Variants in NRXN3 observed in about 807,000 individuals in gnomAD.
NRXN3 encodes neurexin 3, also known as neurexin III.
In NRXN3, 32 loss-of-function variants were observed where a neutral mutation model predicts 137.6. The ratio of observed to expected loss-of-function variants is 0.23; its 90% CI spans 0.18 to 0.31. The LOEUF (loss-of-function observed/expected upper bound fraction) is 0.31. NRXN3 is among the 10% of genes least tolerant of loss of function. NRXN3 has a pLI of 1.00. For synonymous variants in NRXN3, 798 were observed against 784.5 expected, an observed-to-expected ratio of 1.02 and a Z score of -0.29; for missense variants, 1,574 against 2,062.5, an observed-to-expected ratio of 0.76 and a Z score of 4.59.
intron 10 of NRXN3, among the ~76,000 whole-genome samples, chr14:78,917,345 A>G (rs1399581361): frequency 6.6e-6 from 1 of 152,206 alleles, no homozygotes; most frequent in African/African-American, 2.4e-5. Context: ...AGCAGAAAAA[A>G]TAACTATTGG....
intron 19 of NRXN3, among the ~76,000 whole-genome samples, chr14:79,699,937 A>G (rs1460072198): frequency 6.6e-6 from 1 of 152,062 alleles, no homozygotes; most frequent in Non-Finnish European, 1.5e-5. Flanking sequence ...TTAGACTGCG[A>G]TGAGGGATTT....
intron 4 of NRXN3, among the ~76,000 whole-genome samples, chr14:78,336,204 G>T (rs1233967599): frequency 6.6e-6 from 1 of 152,186 alleles, no homozygotes; most frequent in African/African-American, 2.4e-5. Context: ...ACGCTTTAAA[G>T]AATTCCTGTA....
chr14:79,777,065 C>T (rs80280041), intron 19 of NRXN3, among the ~76,000 whole-genome samples: 67 of 152,206 alleles, frequency 4.4e-4, no homozygotes, highest in African/African-American at 1.5e-3. Flanking sequence ...AAGCAGGAGA[C>T]GAGAGAGTAA....
intron 16 of NRXN3, among the ~76,000 whole-genome samples, chr14:79,473,325 T>C (rs979553656): frequency 1.3e-5 from 2 of 152,216 alleles, no homozygotes; most frequent in African/African-American, 4.8e-5. Context: ...ACATAGTTTA[T>C]AGCACCCAAC....
intron 15 of NRXN3, among the ~76,000 whole-genome samples, chr14:79,118,681 G>A (rs1355066083): frequency 2.0e-5 from 3 of 152,306 alleles, no homozygotes; most frequent in South Asian, 2.1e-4. Context: ...TCTTATAGTG[G>A]ACACATTTGG....
chr14:78,818,372 T>TAATAAA (rs2098940838), intron 10 of NRXN3, among the ~76,000 whole-genome samples: 1 of 152,142 alleles, frequency 6.6e-6, no homozygotes, highest in Non-Finnish European at 1.5e-5. Flanking sequence ...TTGCGCTACC[T>TAATAAA]TAATTTATTA....
chr14:79,554,468 A>G (rs1364603), intron 16 of NRXN3, among the ~76,000 whole-genome samples: 71,395 of 152,118 alleles, frequency 0.47, 20,511 homozygotes, highest in Non-Finnish European at 0.62. Context: ...CCAAGGTGAG[A>G]CTGAAGATAA....
At chr14:79,354,611 A>C (rs2093351969) in intron 15 of NRXN3, among the ~76,000 whole-genome samples, 1 of 152,166 alleles carries the variant, frequency 6.6e-6, no homozygotes, top group Admixed American at 6.5e-5. Context: ...CTTGTTACAC[A>C]GAAGGTATTC....
chr14:78,834,460 C>T (rs895479377), intron 10 of NRXN3, among the ~76,000 whole-genome samples: 13 of 151,942 alleles, frequency 8.6e-5, no homozygotes, highest in African/African-American at 1.5e-4. Context: ...AGAGGCAAAC[C>T]GACTTAAAAA....
intron 16 of NRXN3, among the ~76,000 whole-genome samples, chr14:79,655,499 C>T (rs1398533447): frequency 6.6e-6 from 1 of 152,156 alleles, no homozygotes; most frequent in African/African-American, 2.4e-5. Context: ...CTGTTGTGTG[C>T]GTGCATATAT....
chr14:79,263,299 C>G (rs559605665), intron 15 of NRXN3, among the ~76,000 whole-genome samples: 3 of 152,162 alleles, frequency 2.0e-5, no homozygotes, highest in Non-Finnish European at 2.9e-5. Flanking sequence ...ACCAATCTTA[C>G]CATTTAAATG....
In NRXN3 at chr14:78,466,044, G is replaced by A. The variant is rs144776033; in HGVS notation, c.757+168184G>A. Among the ~76,000 whole-genome samples, 853 of 151,356 alleles carry A rather than the reference G, an allele frequency of 5.6e-3. 38 individuals are homozygous for A. The East Asian group carries it at 0.095, about 17-fold the overall frequency. On this transcript the variant is annotated intron_variant, in intron 4 of 20. Transcript: ENST00000335750. The stretch of plus-strand genomic sequence containing the variant: ...TTTTTTTTGTATTTTTAGTAGAGAC[G>A]GGGTTTCTCCGTGTTAGCCAGGTTG...
chr14:79,484,483 G>A (rs183811719), intron 16 of NRXN3, among the ~76,000 whole-genome samples: 11 of 152,170 alleles, frequency 7.2e-5, no homozygotes, highest in Admixed American at 2.0e-4. Flanking sequence ...TTTGAAAATC[G>A]GAAGGTTTAA....
chr14:79,263,002 A>G (rs1271088223), intron 15 of NRXN3, among the ~76,000 whole-genome samples: 2 of 152,176 alleles, frequency 1.3e-5, no homozygotes, highest in African/African-American at 2.4e-5. Flanking sequence ...GTGTGCATGC[A>G]TGCTGTCTGT....
rs536845247 is a variant in NRXN3 at position 78,908,694 on chromosome 14, A to C, written c.2276-48548A>C. Among the ~76,000 whole-genome samples the C allele has an allele frequency of 1.4e-4, 22 of 152,194 alleles. No homozygotes were observed. In the South Asian group the frequency reaches 4.6e-3, roughly 32 times the overall value. ...CAGGATCTAGTTTGAGACACTAAGA[A>C]GGATAAGACATTGGTTTGAATAGAG... On this transcript the variant is annotated intron_variant, in intron 10 of 20. Transcript: ENST00000335750.
At chr14:79,411,778 A>G (rs534228989) in intron 15 of NRXN3, among the ~76,000 whole-genome samples, 2 of 152,154 alleles carry the variant, frequency 1.3e-5, no homozygotes, top group African/African-American at 2.4e-5. Context: ...TTATAAGTAA[A>G]TGTCAAATAT....
intron 15 of NRXN3, among the ~76,000 whole-genome samples, chr14:79,382,331 C>G (rs555193484): frequency 6.6e-6 from 1 of 152,072 alleles, no homozygotes; most frequent in Non-Finnish European, 1.5e-5. Context: ...GAAAGCAATG[C>G]GCAGGACAAT....
chr14:79,395,247 G>A (rs902584388), intron 15 of NRXN3, among the ~76,000 whole-genome samples: 1 of 152,292 alleles, frequency 6.6e-6, no homozygotes, highest in East Asian at 1.9e-4. Context: ...GGTGGCAAAA[G>A]AAGTCTCATG....
At chr14:79,382,171 C>A (rs2094489305) in intron 15 of NRXN3, among the ~76,000 whole-genome samples, 1 of 152,170 alleles carries the variant, frequency 6.6e-6, no homozygotes, top group Admixed American at 6.6e-5. Context: ...CGTAGGACAT[C>A]CCTGGCATAT....
Sources: allele counts gnomAD v4.1 joint callset (sites outside exome capture counted in the v4.1 genomes callset), GRCh38; gene constraint gnomAD v4.1.1; transcripts MANE v1.5; gene names NCBI Gene and HGNC (gene_info 2026-07-23, HGNC 2026-07-21).